GUCY2C: variants seen among roughly 807,000 people sequenced by gnomAD.
The protein encoded by GUCY2C is guanylyl cyclase C.
Under a neutral mutation model 131.1 loss-of-function variants are expected in GUCY2C, and 118 were observed. The ratio of observed to expected loss-of-function variants is 0.90; its 90% CI spans 0.78 to 1.05. GUCY2C has a LOEUF of 1.05. GUCY2C is among the 50% of genes least tolerant of loss of function. The probability of loss-of-function intolerance (pLI) is 0.00; values close to 1 mark genes in which losing one functional copy is unlikely to be tolerated. For missense variants in GUCY2C, 1,161 were observed against 1,304.4 expected, an observed-to-expected ratio of 0.89 and a Z score of 1.69; for synonymous variants, 452 against 457.8, an observed-to-expected ratio of 0.99 and a Z score of 0.16.
At chr12:14,688,649 T>A (rs1432927410) in intron 1 of GUCY2C, among the ~76,000 whole-genome samples, 1 of 152,236 alleles carries the variant, frequency 6.6e-6, no homozygotes, top group Non-Finnish European at 1.5e-5. Flanking sequence ...TTCTTTGCGC[T>A]CATGATACAG....
In GUCY2C at chr12:14,641,183, T is replaced by C. The variant is rs1435086834; in HGVS notation, c.1967A>G (p.Asn656Ser). The C allele has an allele frequency of 1.2e-5, 20 of 1,613,632 alleles. No homozygotes were observed. In the Admixed American group the frequency reaches 2.8e-4, roughly 23 times the overall value. Residue 656 changes from asparagine (N) to serine (S), a missense_variant, in exon 18 of 27, where the codon AAC (asparagine) becomes AGC (serine). Physicochemically the swap from Asn to Ser is conservative, Grantham distance 46 (BLOSUM62 1). Transcript: ENST00000261170. ...GTACACATCTCCTTTCTGAGAGATG[T>C]TGGCTTGGCGGAGGTGCTCTGGAGC... is the stretch of plus-strand genomic sequence containing the variant. ...WTAPEHLRQA[N>S]ISQKGDVYSY...
chr12:14,667,533 C>T (rs1948006264), intron 10 of GUCY2C, among the ~76,000 whole-genome samples: 1 of 152,156 alleles, frequency 6.6e-6, no homozygotes, highest in Non-Finnish European at 1.5e-5. Context: ...CTTAATTTGA[C>T]TCATGGAGTG....
At position 14,643,560 on chromosome 12, in the gene GUCY2C, C is replaced by T; in HGVS notation, c.1930+14G>A. ...TCAGTTAGGAAACTAGTGAACATTTCATTCATTACAGACCCTTTTTTGGAG... is the reference window on the plus strand; with the variant it reads ...TCAGTTAGGAAACTAGTGAACATTTTATTCATTACAGACCCTTTTTTGGAG... On this transcript the variant is annotated intron_variant, in intron 17 of 26. Coordinates refer to ENST00000261170, the MANE Select transcript of GUCY2C (RefSeq NM_004963.4). 2 of 1,612,118 alleles carry T rather than the reference C, an allele frequency of 1.2e-6. No homozygotes were observed. Among genetic ancestry groups the T allele is most frequent in the African/African-American group, 2.7e-5 (2 of 74,946 alleles).
chr12:14,693,105 C>A (rs1033308946), intron 1 of GUCY2C, among the ~76,000 whole-genome samples: 5 of 152,112 alleles, frequency 3.3e-5, no homozygotes, highest in Non-Finnish European at 7.3e-5. Context: ...GCCATTTCCC[C>A]CATGCTACTT....
chr12:14,618,417 G>A (rs972711171), intron 24 of GUCY2C, among the ~76,000 whole-genome samples: 3 of 152,154 alleles, frequency 2.0e-5, no homozygotes, highest in Non-Finnish European at 4.4e-5. Flanking sequence ...GGAGGCTGAG[G>A]TGGGAGGATC....
At position 14,613,064 on chromosome 12, in the gene GUCY2C, G is replaced by T; in HGVS notation, c.*53C>A. 1 of 1,430,072 alleles carries T rather than the reference G, an allele frequency of 7.0e-7. No homozygotes were observed. Among genetic ancestry groups the T allele is most frequent in the Non-Finnish European group, 9.8e-7 (1 of 1,018,126 alleles). The allele number at this position is 1,430,072 out of a possible 1,614,324, so 88.6% of individuals were successfully genotyped here. A position where few individuals can be genotyped will look rare whatever the true frequency, so the allele number is the denominator to read the frequency against. On this transcript the variant is annotated 3_prime_UTR_variant, in exon 27 of 27. Coordinates refer to ENST00000261170, the MANE Select transcript of GUCY2C (RefSeq NM_004963.4). The surrounding 1 kb of genome is among the most constrained non-coding windows in gnomAD (Gnocchi z 4.9). ...AGCTTTCAGGACACTTGAGGTCGCT[G>T]CCTCAGTGCAGCTGTATTTTAATTT... is the stretch of plus-strand genomic sequence containing the variant.
At chr12:14,632,173 A>G (rs1338918048) in intron 19 of GUCY2C, among the ~76,000 whole-genome samples, 3 of 151,980 alleles carry the variant, frequency 2.0e-5, no homozygotes, top group Non-Finnish European at 2.9e-5. Flanking sequence ...CCCATTTTGT[A>G]GGTTGCCTGT....
intron 10 of GUCY2C, among the ~76,000 whole-genome samples, chr12:14,666,735 C>A (rs1947989509): frequency 7.7e-6 from 1 of 130,616 alleles, no homozygotes; most frequent in Admixed American, 7.6e-5. Flanking sequence ...ACAATGTCTC[C>A]AAAAAAAAAA....
chr12:14,662,300 C>T (rs1397692057), intron 10 of GUCY2C, among the ~76,000 whole-genome samples: 1 of 151,956 alleles, frequency 6.6e-6, no homozygotes, highest in Non-Finnish European at 1.5e-5. Context: ...TAAAATGTGC[C>T]CTGACTTTGA....
intron 19 of GUCY2C, among the ~76,000 whole-genome samples, chr12:14,631,276 A>C (rs1192525795): frequency 1.3e-5 from 2 of 152,054 alleles, no homozygotes; most frequent in Admixed American, 1.3e-4. Flanking sequence ...ACATGTGCAC[A>C]ATGTGCAGGT....
intron 8 of GUCY2C, chr12:14,674,154 A>T (rs1048972245): frequency 5.8e-6 from 1 of 173,290 alleles, no homozygotes; most frequent in Non-Finnish European, 1.3e-5. Context: ...GGAAAGGGCA[A>T]CATTGATCCA....
At chr12:14,673,498 A>G (rs191783488) in intron 8 of GUCY2C, among the ~76,000 whole-genome samples, 4 of 152,348 alleles carry the variant, frequency 2.6e-5, no homozygotes, top group Admixed American at 6.5e-5. Flanking sequence ...CGACATAACA[A>G]TGAACATTTA....
intron 19 of GUCY2C, among the ~76,000 whole-genome samples, chr12:14,635,002 C>G (rs576151651): frequency 6.6e-6 from 1 of 152,234 alleles, no homozygotes; most frequent in Admixed American, 6.5e-5. Flanking sequence ...GAAGTAGATT[C>G]CAATCTAATA....
At chr12:14,623,600 A>G (rs994207286) in intron 21 of GUCY2C, among the ~76,000 whole-genome samples, 1 of 152,222 alleles carries the variant, frequency 6.6e-6, no homozygotes, top group Non-Finnish European at 1.5e-5. Flanking sequence ...GAAAAGTCAC[A>G]TGAGTTTGGT....
At position 14,658,304 on chromosome 12, in the gene GUCY2C, G is replaced by A. The variant is rs145339628; in HGVS notation, c.1365-1687C>T. 3.9e-3 allele frequency among the ~76,000 whole-genome samples: 595 copies of A among 151,874 alleles called. 2 individuals carry two copies. Among genetic ancestry groups the A allele is most frequent in the Middle Eastern group, 0.02 (6 of 294 alleles). ...TACAGAAAGTTTTGATTTTATTATC[G>A]TCATATTTATGTATTTTTTCTTTGA... On this transcript the variant is annotated intron_variant, in intron 11 of 26. Transcript: ENST00000261170.
intron 21 of GUCY2C, among the ~76,000 whole-genome samples, chr12:14,623,140 C>T (rs1249513129): frequency 6.6e-6 from 1 of 152,148 alleles, no homozygotes; most frequent in Non-Finnish European, 1.5e-5. Flanking sequence ...TATGACTTCC[C>T]TAAGTTCCCA....
chr12:14,635,609 T>C (rs1406243327), intron 19 of GUCY2C, among the ~76,000 whole-genome samples: 1 of 151,178 alleles, frequency 6.6e-6, no homozygotes, highest in East Asian at 1.9e-4. Context: ...AAGGTCAGAG[T>C]AGAACTAGAC....
chr12:14,645,395 ATCT>A, intron 15 of GUCY2C, 80 bp from the exon 16 acceptor site: 1 of 698,574 alleles, frequency 1.4e-6, no homozygotes, highest in Non-Finnish European at 2.5e-6. Flanking sequence ...ACAAATAATG[ATCT>A]TCAAATTATG....
intron 1 of GUCY2C, among the ~76,000 whole-genome samples, chr12:14,689,814 C>A (rs1031434495): frequency 1.3e-5 from 2 of 152,140 alleles, no homozygotes; most frequent in Non-Finnish European, 2.9e-5. Flanking sequence ...AATTTTTAGA[C>A]CCTGTCTCTC....
Sources: gnomAD v4.1 joint callset for allele counts (sites outside exome capture counted in the v4.1 genomes callset) on GRCh38, gnomAD v4.1.1 for gene constraint, Gnocchi (gnomAD v3.1) non-coding constraint, MANE v1.5 for transcripts, NCBI Gene and HGNC (gene_info 2026-07-23, HGNC 2026-07-21) for gene names.